The following TRIM3 variants were observed in gnomAD, a reference collection of about 807,000 sequenced individuals.
The protein encoded by TRIM3 is tripartite motif containing 3.
In TRIM3, 13 loss-of-function variants were observed where a neutral mutation model predicts 66.6. The ratio of observed to expected loss-of-function variants is 0.20; its 90% CI spans 0.13 to 0.31. TRIM3 has a LOEUF of 0.31. Ranked by LOEUF, TRIM3 falls within the 10% of genes least tolerant of loss-of-function variation. The probability of loss-of-function intolerance (pLI) is 1.00; values close to 1 mark genes in which losing one functional copy is unlikely to be tolerated. For missense variants in TRIM3, 711 were observed against 1,020.4 expected (o/e 0.70, Z 4.13); for synonymous variants, 406 against 411.7 (o/e 0.99, Z 0.17).
chr11:6,466,427 T>C (rs1850472573), intron 1 of TRIM3, among the ~76,000 whole-genome samples: 1 of 152,250 alleles, frequency 6.6e-6, no homozygotes, highest in South Asian at 2.1e-4. Flanking sequence ...GAAGCCAGAA[T>C]GAATTTTCTA....
At chr11:6,468,887 T>C (rs1850572733) in intron 1 of TRIM3, among the ~76,000 whole-genome samples, 1 of 151,252 alleles carries the variant, frequency 6.6e-6, no homozygotes, top group African/African-American at 2.5e-5. Flanking sequence ...AATGAATGAA[T>C]GCAGGAGCGA....
At chr11:6,472,429 C>T (rs1212509706) in intron 1 of TRIM3, among the ~76,000 whole-genome samples, 3 of 151,958 alleles carry the variant, frequency 2.0e-5, no homozygotes, top group African/African-American at 7.3e-5. Flanking sequence ...CCACACTCCC[C>T]CTGCCCCCTC....
At chr11:6,453,524 AC>A (rs1339752315) in intron 7 of TRIM3, among the ~76,000 whole-genome samples, 1 of 152,178 alleles carries the variant, frequency 6.6e-6, no homozygotes, top group African/African-American at 2.4e-5. Flanking sequence ...ACAAAACAAA[AC>A]CAGACAAAAA....
rs1466866448 is a variant in TRIM3, at chr11:6,450,484, G to A, written c.1941+67C>T. 7.3e-7 allele frequency: 1 copy of A among 1,371,064 alleles called. No homozygotes were observed. Among genetic ancestry groups the A allele is most frequent in the Non-Finnish European group, 1.0e-6 (1 of 958,742 alleles). 84.9% of individuals were successfully genotyped at this position (1,371,064 alleles called of 1,614,324 possible). A position where few individuals can be genotyped will look rare whatever the true frequency, so the allele number is the denominator to read the frequency against. The stretch of plus-strand genomic sequence containing the variant: ...AAGGGGAAAAGGAGGAGGTAAAATA[G>A]AGAGGAGTCTTGTGGAAGAGGAAAG... On this transcript the variant is annotated intron_variant, in intron 10 of 11. Transcript: ENST00000345851. The surrounding 1 kb of genome is among the most constrained non-coding windows in gnomAD (Gnocchi z 4.8).
chr11:6,468,961 C>T (rs1315570932), intron 1 of TRIM3, among the ~76,000 whole-genome samples: 1 of 152,066 alleles, frequency 6.6e-6, no homozygotes, highest in African/African-American at 2.4e-5. Flanking sequence ...TAAGGGTGGG[C>T]CTGGGTAGAG....
rs772706128 is a variant in TRIM3, at chr11:6,449,432, A to G, written c.1956T>C (p.Asp652=). The change falls in exon 11 of 12, where the codon GAT becomes GAC. Residue 652 remains aspartate (D), a synonymous_variant. Transcript: ENST00000345851. This position sits in a 1 kb window ranked among gnomAD's most constrained non-coding sequence, Gnocchi z 5.3. ...HNHSVKVYSA[D]GEFLFKFGSH... is the part of the protein sequence containing the mutation. ...AGCCAAACTTGAAGAGGAACTCTCC[A>G]TCGGCACTGTACACCTGGCGGGGGA... 8.7e-6 allele frequency: 14 copies of G among 1,613,810 alleles called. No individual in the cohort carries two copies. In the African/African-American group the frequency reaches 1.2e-4, roughly 14 times the overall value.
chr11:6,471,417 G>T (rs1478739730), intron 1 of TRIM3, among the ~76,000 whole-genome samples: 1 of 152,188 alleles, frequency 6.6e-6, no homozygotes, highest in Non-Finnish European at 1.5e-5. Flanking sequence ...CTTGGATGAG[G>T]CAAAGTCCTT....
At position 6,457,540 on chromosome 11, in the gene TRIM3, C is replaced by G. The variant is rs1472388067; in HGVS notation, c.516-64G>C. ...GGCTTTGCCGAACTTTCCCTTCTCC[C>G]TGGGGAACCTACTGCTGCCCTCATG... is the stretch of plus-strand genomic sequence containing the variant. On this transcript the variant is annotated intron_variant, in intron 4 of 11. Coordinates refer to ENST00000345851, the MANE Select transcript of TRIM3 (RefSeq NM_033278.4). The surrounding 1 kb of genome is among the most constrained non-coding windows in gnomAD (Gnocchi z 4.5). 9 of 1,581,936 alleles carry G rather than the reference C, an allele frequency of 5.7e-6. No homozygotes were observed. In the African/African-American group the frequency reaches 1.1e-4, roughly 19 times the overall value.
rs1849604145 is a variant in TRIM3 at position 6,448,824 on chromosome 11, C to T, written c.*204G>A. ...TGCACACATCCTTGGGACCACAGTC[C>T]AGGCTCACCCAGTCACCAAAGCAAG... On this transcript the variant is annotated 3_prime_UTR_variant, in exon 12 of 12. Transcript: ENST00000345851. 1.5e-6 allele frequency: 1 copy of T among 645,402 alleles called. No individual in the cohort carries two copies. Among genetic ancestry groups the T allele is most frequent in the Non-Finnish European group, 2.7e-6 (1 of 367,904 alleles). 40.0% of individuals were successfully genotyped at this position (645,402 alleles called of 1,614,324 possible).
rs1280789477 is a variant in TRIM3 at position 6,465,154 on chromosome 11, C to G, written c.131+411G>C. Among the ~76,000 whole-genome samples the G allele has an allele frequency of 5.3e-5, 8 of 152,268 alleles. No homozygotes were observed. The East Asian group carries it at 1.5e-3, about 29-fold the overall frequency. On this transcript the variant is annotated intron_variant, in intron 2 of 11. Coordinates refer to ENST00000345851, the MANE Select transcript of TRIM3 (RefSeq NM_033278.4). ...AAGCCTAGAGGCTGGGACAGGTTGC[C>G]TTTCACTCAGTACCTGAGGACAACA...
At chr11:6,461,234 C>T (rs554926548) in intron 2 of TRIM3, among the ~76,000 whole-genome samples, 2 of 152,212 alleles carry the variant, frequency 1.3e-5, no homozygotes, top group East Asian at 3.9e-4. Context: ...CTTACTTTTC[C>T]TTGCAGTCCT....
Position 6,450,469 on chromosome 11 carries a change from G to C in TRIM3, c.1941+82C>G. 9.9e-6 allele frequency: 12 copies of C among 1,212,152 alleles called. No individual in the cohort carries two copies. Among genetic ancestry groups the C allele is most frequent in the Non-Finnish European group, 1.5e-5 (12 of 815,246 alleles). The allele number at this position is 1,212,152 out of a possible 1,614,324, so 75.1% of individuals were successfully genotyped here. ...GAGTGAATGATCTCAAAGGGGAAAA[G>C]GAGGAGGTAAAATAGAGAGGAGTCT... On this transcript the variant is annotated intron_variant, in intron 10 of 11. Transcript: ENST00000345851. This position sits in a 1 kb window ranked among gnomAD's most constrained non-coding sequence, Gnocchi z 4.8.
chr11:6,460,898 C>CTTTTTTTTTTT (rs771919613), intron 2 of TRIM3, among the ~76,000 whole-genome samples: 2 of 74,252 alleles, frequency 2.7e-5, no homozygotes, highest in African/African-American at 5.5e-5. Context: ...TTTTTGGTGG[C>CTTTTTTTTTTT]TTTTTTTTTT....
Position 6,451,353 on chromosome 11 carries a change from G to A in TRIM3, c.1619C>T (p.Ala540Val). ...AATTATGTCTCCATTGGTGTCCACT[G>A]CCACACCTGTGGGGCGCTGCAGCTG... The part of the protein sequence containing the change: ...PGQLQRPTGV[A>V]VDTNGDIIVA... The change falls in exon 8 of 12, where the codon GCA (alanine) becomes GTA (valine). Residue 540 changes from alanine to valine, a missense_variant. By Grantham distance (64) the Ala-to-Val change is moderately conservative. Transcript: ENST00000345851. 2 of 1,614,218 alleles carry A rather than the reference G, an allele frequency of 1.2e-6. No individual in the cohort carries two copies. The highest frequency in any genetic ancestry group is 1.7e-6 in the Non-Finnish European group (2 of 1,180,040).
chr11:6,470,664 T>C (rs527248016), intron 1 of TRIM3, among the ~76,000 whole-genome samples: 30 of 152,286 alleles, frequency 2.0e-4, no homozygotes, highest in African/African-American at 7.0e-4. Flanking sequence ...CGCTGAAGCC[T>C]AAGAGAGAGG....
intron 1 of TRIM3, among the ~76,000 whole-genome samples, chr11:6,472,745 C>T (rs1039250416): frequency 1.3e-5 from 2 of 152,166 alleles, no homozygotes; most frequent in Non-Finnish European, 2.9e-5. Flanking sequence ...TGAATAAAGT[C>T]CCAAGAAGAG....
chr11:6,473,388 G>C (rs886372587), intron 1 of TRIM3: 4 of 145,386 alleles, frequency 2.8e-5, no homozygotes, highest in African/African-American at 1.0e-4. Context: ...GGTGGGGGTG[G>C]GGGAGCAAGG....
At chr11:6,472,149 A>G (rs1850709426) in intron 1 of TRIM3, among the ~76,000 whole-genome samples, 2 of 152,196 alleles carry the variant, frequency 1.3e-5, no homozygotes, top group African/African-American at 4.8e-5. Context: ...TAGGAGATCT[A>G]GGATCTAGTC....
chr11:6,453,087 C>T (rs1002379378), intron 7 of TRIM3: 3 of 152,220 alleles, frequency 2.0e-5, no homozygotes, highest in Admixed American at 6.5e-5. Context: ...ATGTAAGCCT[C>T]GCATGGCATA....
Sources: allele counts gnomAD v4.1 joint callset (sites outside exome capture counted in the v4.1 genomes callset), GRCh38; gene constraint gnomAD v4.1.1; non-coding constraint Gnocchi (gnomAD v3.1); transcripts MANE v1.5; gene names NCBI Gene and HGNC (gene_info 2026-07-23, HGNC 2026-07-21).